RMST: variants seen among roughly 807,000 people sequenced by gnomAD.
The protein encoded by RMST is rhabdomyosarcoma 2 associated transcript, also known as long intergenic non-protein coding RNA 54.
intron 11 of RMST, among the ~76,000 whole-genome samples, chr12:97,541,673 T>C (rs1292302436): frequency 6.8e-6 from 1 of 148,074 alleles, no homozygotes; most frequent in African/African-American, 2.5e-5. Flanking sequence ...CTAAATATGG[T>C]AAAATGTCTA....
intron 10 of RMST, among the ~76,000 whole-genome samples, chr12:97,506,442 T>C (rs1878672077): frequency 6.6e-6 from 1 of 152,190 alleles, no homozygotes; most frequent in African/African-American, 2.4e-5. Flanking sequence ...GATAACCTCT[T>C]ATCTTCCAGG....
chr12:97,560,222 C>G (rs1013616949), intron 11 of RMST, among the ~76,000 whole-genome samples: 11 of 152,116 alleles, frequency 7.2e-5, no homozygotes, highest in Admixed American at 3.9e-4. Context: ...GGGAACAAAA[C>G]ACGTTCATAA....
intron 10 of RMST, among the ~76,000 whole-genome samples, chr12:97,528,652 T>C (rs1276641011): frequency 1.3e-5 from 2 of 152,178 alleles, no homozygotes; most frequent in East Asian, 3.8e-4. Flanking sequence ...ATTGTAAAGA[T>C]ATAAGTTTGA....
intron 5 of RMST, among the ~76,000 whole-genome samples, chr12:97,488,312 A>G (rs2136441321): frequency 6.6e-6 from 1 of 152,258 alleles, no homozygotes; most frequent in South Asian, 2.1e-4. Context: ...TGGGAGGTGG[A>G]GGTTGCAGCG....
chr12:97,560,091 A>C (rs1180288663), intron 11 of RMST, among the ~76,000 whole-genome samples: 3 of 152,116 alleles, frequency 2.0e-5, no homozygotes, highest in Admixed American at 2.0e-4. Context: ...TTGTCATTGA[A>C]GTTCATGAAG....
At chr12:97,478,784 G>T (rs73384732) in intron 5 of RMST, among the ~76,000 whole-genome samples, 2 of 152,154 alleles carry the variant, frequency 1.3e-5, no homozygotes, top group Non-Finnish European at 2.9e-5. Context: ...CCTTTTGTCT[G>T]ATTTCCTTAG....
chr12:97,493,854 T>G (rs1429857572), intron 7 of RMST: 1 of 152,234 alleles, frequency 6.6e-6, no homozygotes, highest in African/African-American at 2.4e-5. Context: ...AACATACTGA[T>G]TGTTTGACTG....
At chr12:97,496,982 A>G (rs1877502529) in intron 10 of RMST, among the ~76,000 whole-genome samples, 1 of 152,166 alleles carries the variant, frequency 6.6e-6, no homozygotes, top group Non-Finnish European at 1.5e-5. Flanking sequence ...CATTTTATGA[A>G]TGAATCAAAA....
intron 11 of RMST, among the ~76,000 whole-genome samples, chr12:97,553,240 ATTTTACCT>A (rs912935561): frequency 2.7e-5 from 4 of 149,848 alleles, no homozygotes; most frequent in African/African-American, 9.9e-5. Flanking sequence ...ATAGCGATAC[ATTTTACCT>A]TTTAAAGTTG....
chr12:97,470,249 C>G (rs562314706), intron 5 of RMST, among the ~76,000 whole-genome samples: 1 of 152,128 alleles, frequency 6.6e-6, no homozygotes, highest in Admixed American at 6.6e-5. Context: ...CATTTTTTAC[C>G]GTGTCTGTGT....
At chr12:97,542,648 T>G (rs1429054419) in intron 11 of RMST, among the ~76,000 whole-genome samples, 1 of 151,934 alleles carries the variant, frequency 6.6e-6, no homozygotes, top group Non-Finnish European at 1.5e-5. Context: ...TCAGTGTGGT[T>G]GAATAGGACC....
At chr12:97,517,563 T>C (rs960377673) in intron 10 of RMST, among the ~76,000 whole-genome samples, 2 of 151,990 alleles carry the variant, frequency 1.3e-5, no homozygotes, top group Non-Finnish European at 2.9e-5. Context: ...TCTATATGTA[T>C]TTTTCTATAA....
chr12:97,514,317 T>C (rs573967740), intron 10 of RMST, among the ~76,000 whole-genome samples: 1 of 152,320 alleles, frequency 6.6e-6, no homozygotes, highest in South Asian at 2.1e-4. Context: ...AACTCTATAA[T>C]TATCTCTGTA....
chr12:97,563,480 G>C (rs80303158), intron 13 of RMST: 1 of 257,018 alleles, frequency 3.9e-6, no homozygotes, highest in Non-Finnish European at 7.5e-6. Flanking sequence ...GTTTGCATCA[G>C]TGATTTGTCT....
chr12:97,513,164 GC>G (rs1387110949), intron 10 of RMST, among the ~76,000 whole-genome samples: 1 of 152,166 alleles, frequency 6.6e-6, no homozygotes, highest in Non-Finnish European at 1.5e-5. Context: ...TCTGGCCTTG[GC>G]CAGCCCAGAA....
At chr12:97,465,340 CTGTT>C (rs1873056431) in intron 4 of RMST, among the ~76,000 whole-genome samples, 1 of 152,098 alleles carries the variant, frequency 6.6e-6, no homozygotes, top group Admixed American at 6.5e-5. Flanking sequence ...CGGGAATAGT[CTGTT>C]TGTGTGCTAC....
intron 13 of RMST, among the ~76,000 whole-genome samples, chr12:97,561,224 C>T (rs1386262190): frequency 2.0e-5 from 3 of 152,090 alleles, no homozygotes; most frequent in African/African-American, 2.4e-5. Context: ...ACTAATTTTA[C>T]GTTTGTAAAT....
At chr12:97,556,442 A>G (rs912276427) in intron 11 of RMST, among the ~76,000 whole-genome samples, 1 of 152,218 alleles carries the variant, frequency 6.6e-6, no homozygotes, top group Non-Finnish European at 1.5e-5. Flanking sequence ...AGCTGGGGAC[A>G]CATTTCTTAA....
intron 10 of RMST, among the ~76,000 whole-genome samples, chr12:97,515,117 A>C (rs1879797315): frequency 6.6e-6 from 1 of 152,144 alleles, no homozygotes; most frequent in South Asian, 2.1e-4. Context: ...ATGAAAACTA[A>C]ATTTGAACTA....
Sources: gnomAD v4.1 joint callset for allele counts (sites outside exome capture counted in the v4.1 genomes callset) on GRCh38, gnomAD v4.1.1 for gene constraint, MANE v1.5 for transcripts, NCBI Gene and HGNC (gene_info 2026-07-23, HGNC 2026-07-21) for gene names.